SACM1L: variants seen among roughly 807,000 people sequenced by gnomAD.
SACM1L encodes the protein SAC1 like phosphatidylinositide phosphatase, also known as phosphatidylinositol-3-phosphatase SAC1.
Under a neutral mutation model 89.5 loss-of-function variants are expected in SACM1L, and 32 were observed. The ratio of observed to expected loss-of-function variants is 0.36; its 90% CI spans 0.27 to 0.48. The LOEUF is 0.48. SACM1L is among the 20% of genes least tolerant of loss of function. The pLI is 0.99. For missense variants in SACM1L, 543 were observed against 708.5 expected, an observed-to-expected ratio of 0.77 and a Z score of 2.65; for synonymous variants, 213 against 232.8, an observed-to-expected ratio of 0.92 and a Z score of 0.77.
intron 14 of SACM1L, among the ~76,000 whole-genome samples, chr3:45,735,613 G>C (rs938317430): frequency 6.0e-5 from 9 of 150,622 alleles, no homozygotes; most frequent in African/African-American, 2.2e-4. Context: ...TGGTTGTATT[G>C]TTGTGCCGTA....
intron 1 of SACM1L, chr3:45,689,787 G>A (rs1417126643): frequency 1.8e-6 from 1 of 567,380 alleles, no homozygotes; most frequent in Non-Finnish European, 3.1e-6. Flanking sequence ...GTTATGATGC[G>A]GCCCTTCAGG....
chr3:45,715,682 G>T (rs1698636758), intron 7 of SACM1L, among the ~76,000 whole-genome samples: 1 of 151,682 alleles, frequency 6.6e-6, no homozygotes, highest in Admixed American at 6.6e-5. Context: ...ACTGAGGAAG[G>T]AATATTGCTT....
intron 14 of SACM1L, 110 bp downstream of exon 14, chr3:45,735,483 CT>C: frequency 9.1e-7 from 1 of 1,099,558 alleles, no homozygotes; most frequent in African/African-American, 1.6e-5. Flanking sequence ...TAACCCAGCT[CT>C]TTTTATTTTT....
intron 19 of SACM1L, 61 bp from the exon 20 acceptor site, chr3:45,743,472 G>A (rs1485311748): frequency 6.5e-5 from 98 of 1,508,140 alleles, no homozygotes; most frequent in Middle Eastern, 1.9e-4. Flanking sequence ...CTAAACAGCT[G>A]AAAACTGGGT....
chr3:45,709,680 G>C (rs564653518), intron 5 of SACM1L, 33 bp downstream of exon 5: 12 of 1,572,196 alleles, frequency 7.6e-6, no homozygotes, highest in Non-Finnish European at 1.0e-5. Context: ...TTTATTTTTA[G>C]GTTTTTAAAA....
chr3:45,713,633 C>T (rs1698575191), intron 6 of SACM1L: 1 of 163,962 alleles, frequency 6.1e-6, no homozygotes, highest in Admixed American at 6.4e-5. Context: ...CAGGGAGGCC[C>T]AGCTAGGGAA....
chr3:45,705,302 T>A, intron 3 of SACM1L, 93 bp downstream of exon 3: 1 of 710,776 alleles, frequency 1.4e-6, no homozygotes, highest in Non-Finnish European at 2.4e-6. Flanking sequence ...AAGTAATACT[T>A]TGTATCATGC....
intron 5 of SACM1L, 116 bp downstream of exon 5, chr3:45,709,763 A>G: frequency 1.1e-6 from 1 of 917,214 alleles, no homozygotes; most frequent in South Asian, 1.9e-5. Context: ...AGAATCATGT[A>G]TGAGGCTTTG....
chr3:45,694,281 C>T (rs987257372), intron 1 of SACM1L, among the ~76,000 whole-genome samples: 1 of 151,990 alleles, frequency 6.6e-6, no homozygotes, highest in African/African-American at 2.4e-5. Flanking sequence ...GTACTGTTTC[C>T]TCAGGAAATT....
intron 18 of SACM1L, 37 bp downstream of exon 18, chr3:45,738,910 G>T (rs1699259692): frequency 7.7e-7 from 1 of 1,296,242 alleles, no homozygotes; most frequent in South Asian, 1.2e-5. Flanking sequence ...GTTTTTAAAA[G>T]CATTGTGTCT....
intron 6 of SACM1L, 142 bp downstream of exon 6, chr3:45,713,338 G>T: frequency 1.7e-6 from 1 of 605,812 alleles, no homozygotes; most frequent in South Asian, 2.3e-5. Flanking sequence ...ACTTGGATCA[G>T]GTCTACCCTG....
intron 19 of SACM1L, chr3:45,739,941 G>A: frequency 2.4e-6 from 1 of 412,068 alleles, no homozygotes; most frequent in South Asian, 3.0e-5. Flanking sequence ...TGCCAAGGTT[G>A]AGGACCTGCC....
chr3:45,691,591 A>G (rs1697990197), intron 1 of SACM1L, among the ~76,000 whole-genome samples: 1 of 132,580 alleles, frequency 7.5e-6, no homozygotes, highest in Non-Finnish European at 1.6e-5. Context: ...TAAATGTTGA[A>G]ATGCTTGTTT....
Position 45,732,136 on chromosome 3 carries a change from T to C in SACM1L, c.1085T>C (p.Met362Thr). 2 of 1,599,320 alleles carry C rather than the reference T, an allele frequency of 1.3e-6. No individual in the cohort carries two copies. The highest frequency in any genetic ancestry group is 1.7e-6 in the Non-Finnish European group (2 of 1,171,478). Residue 362 changes from methionine to threonine, a missense_variant, in exon 13 of 20, where the codon ATG becomes ACG. By Grantham distance (81) the Met-to-Thr change is moderately conservative. Around this residue, in one of 2 missense-constraint regions of SACM1L, gnomAD observed 370 missense variants for 527.6 expected, o/e 0.70. Coordinates refer to ENST00000389061, the MANE Select transcript of SACM1L (RefSeq NM_014016.5). ...ATTTTATTGGATCAGGTAGCAGAAA[T>C]GCAAGATGAATTAAGGTAAGCTATA... ...LSILLDQVAE[M>T]QDELSYFLVD...
At chr3:45,731,444 A>C in intron 12 of SACM1L, 64 bp downstream of exon 12, 1 of 1,055,418 alleles carries the variant, frequency 9.5e-7, no homozygotes, top group Non-Finnish European at 1.5e-6. Context: ...TATATGCATG[A>C]TTACATAGAG....
intron 8 of SACM1L, 42 bp from the exon 9 acceptor site, chr3:45,721,958 G>T (rs1456760318): frequency 7.5e-7 from 1 of 1,337,648 alleles, no homozygotes; most frequent in Non-Finnish European, 1.1e-6. Context: ...GTGTTTCTTT[G>T]TGTAATCAGT....
chr3:45,704,149 A>G (rs1049181312), intron 2 of SACM1L, among the ~76,000 whole-genome samples: 3 of 152,200 alleles, frequency 2.0e-5, no homozygotes, highest in South Asian at 2.1e-4. Context: ...ATACGAAATA[A>G]TTTTGGTGGC....
At chr3:45,715,850 GT>G (rs962706587) in intron 7 of SACM1L, among the ~76,000 whole-genome samples, 5 of 144,476 alleles carry the variant, frequency 3.5e-5, no homozygotes, top group Admixed American at 6.9e-5. Flanking sequence ...TTTGTTTTTT[GT>G]TTTTTTTTCA....
chr3:45,723,577 A>G, intron 11 of SACM1L, 34 bp downstream of exon 11: 2 of 1,211,640 alleles, frequency 1.7e-6, no homozygotes, highest in Middle Eastern at 2.3e-4. Flanking sequence ...GGGAAAAAAA[A>G]GCCTTAACTT....
Sources: gnomAD v4.1 joint callset for allele counts (sites outside exome capture counted in the v4.1 genomes callset) on GRCh38, gnomAD v4.1.1 for gene constraint, gnomAD v4.1.1 regional missense constraint, MANE v1.5 for transcripts, NCBI Gene and HGNC (gene_info 2026-07-23, HGNC 2026-07-21) for gene names.